ALK: variants seen among roughly 807,000 people sequenced by gnomAD.
ALK encodes the protein ALK receptor tyrosine kinase, also known as ALK tyrosine kinase receptor.
A neutral mutation model predicts 163.1 loss-of-function variants in ALK; 74 were observed. The observed-to-expected ratio is 0.45, with a 90% CI of 0.38 to 0.55. The LOEUF (loss-of-function observed/expected upper bound fraction) is 0.55. Ranked by LOEUF, ALK falls within the 20% of genes least tolerant of loss-of-function variation. The probability of loss-of-function intolerance (pLI) is 0.00; values close to 1 mark genes in which losing one functional copy is unlikely to be tolerated. For missense variants in ALK, 2,063 were observed against 2,105.3 expected (o/e 0.98, Z 0.39); for synonymous variants, 960 against 843.2 (o/e 1.14, Z -2.40).
At chr2:29,579,965 G>A (rs937931195) in intron 3 of ALK, among the ~76,000 whole-genome samples, 5 of 152,076 alleles carry the variant, frequency 3.3e-5, no homozygotes, top group Admixed American at 2.0e-4. Context: ...CTGGGGTTGG[G>A]CTGAGAGGTC....
chr2:29,410,709 T>C (rs1669705947), intron 4 of ALK, among the ~76,000 whole-genome samples: 1 of 152,114 alleles, frequency 6.6e-6, no homozygotes, highest in East Asian at 1.9e-4. Flanking sequence ...ATGGTAAAAA[T>C]ATAGCATAAA....
At chr2:29,377,305 T>C (rs1200165541) in intron 5 of ALK, among the ~76,000 whole-genome samples, 1 of 151,868 alleles carries the variant, frequency 6.6e-6, no homozygotes, top group African/African-American at 2.4e-5. Flanking sequence ...TGAAACCCCG[T>C]CTCTACTGAA....
intron 11 of ALK, among the ~76,000 whole-genome samples, chr2:29,267,056 A>G (rs1329140132): frequency 6.6e-6 from 1 of 152,194 alleles, no homozygotes; most frequent in Non-Finnish European, 1.5e-5. Context: ...TGCTTATAAA[A>G]TTATAATTTC....
chr2:29,371,339 G>C (rs1668632707), intron 5 of ALK, among the ~76,000 whole-genome samples: 1 of 152,250 alleles, frequency 6.6e-6, no homozygotes, highest in African/African-American at 2.4e-5. Flanking sequence ...GGTACTCCTA[G>C]GCTATGCCCC....
chr2:29,728,761 G>T (rs1679648084), intron 1 of ALK, among the ~76,000 whole-genome samples: 1 of 152,130 alleles, frequency 6.6e-6, no homozygotes, highest in Admixed American at 6.5e-5. Context: ...CTCCTTATTT[G>T]CCACCAAGAA....
chr2:29,472,622 T>G (rs1319780612), intron 4 of ALK, among the ~76,000 whole-genome samples: 1 of 152,068 alleles, frequency 6.6e-6, no homozygotes, highest in African/African-American at 2.4e-5. Flanking sequence ...AAAGGCACAT[T>G]TGGAAAAAAA....
At position 29,553,444 on chromosome 2, in the gene ALK, A is replaced by G. The variant is rs1403790936; in HGVS notation, c.953-21328T>C. Reference sequence around the variant, plus strand: ...CAGGTATTTTGTTGTAGCAGCACAAATCGACTAAGATACCTTCCAAACTCT... The same window carrying G: ...CAGGTATTTTGTTGTAGCAGCACAAGTCGACTAAGATACCTTCCAAACTCT... On this transcript the variant is annotated intron_variant, in intron 3 of 28. Coordinates refer to ENST00000389048, the MANE Select transcript of ALK (RefSeq NM_004304.5). 2.6e-5 allele frequency among the ~76,000 whole-genome samples: 4 copies of G among 152,328 alleles called. No homozygotes were observed. The East Asian group carries it at 7.7e-4, about 29-fold the overall frequency.
At chr2:29,849,003 T>C (rs575714724) in intron 1 of ALK, among the ~76,000 whole-genome samples, 1 of 152,294 alleles carries the variant, frequency 6.6e-6, no homozygotes, top group South Asian at 2.1e-4. Flanking sequence ...CCCCTCCCCA[T>C]AGTCTCACCT....
intron 5 of ALK, among the ~76,000 whole-genome samples, chr2:29,348,514 A>C (rs1425679054): frequency 6.6e-6 from 1 of 152,218 alleles, no homozygotes; most frequent in African/African-American, 2.4e-5. Flanking sequence ...AAAAAGCCAA[A>C]GCTTAGAAAT....
At chr2:29,287,626 A>C (rs1665894669) in intron 9 of ALK, among the ~76,000 whole-genome samples, 1 of 152,182 alleles carries the variant, frequency 6.6e-6, no homozygotes, top group Non-Finnish European at 1.5e-5. Context: ...CAGTAAGGAA[A>C]TCCAAAGAGA....
chr2:29,324,165 TC>T (rs1430561959), intron 6 of ALK, among the ~76,000 whole-genome samples: 5 of 152,150 alleles, frequency 3.3e-5, no homozygotes, highest in African/African-American at 1.2e-4. Flanking sequence ...GGTCAATCAA[TC>T]CTGCAACATT....
intron 3 of ALK, among the ~76,000 whole-genome samples, chr2:29,538,668 T>C (rs1333917952): frequency 1.3e-5 from 2 of 152,166 alleles, no homozygotes; most frequent in African/African-American, 4.8e-5. Flanking sequence ...GAATTGCTTA[T>C]AATTTTTTTT....
intron 9 of ALK, among the ~76,000 whole-genome samples, chr2:29,293,143 G>A (rs1341961052): frequency 6.6e-6 from 1 of 152,194 alleles, no homozygotes; most frequent in African/African-American, 2.4e-5. Flanking sequence ...CACAGGTGTT[G>A]CTCTGATATA....
chr2:29,700,784 T>C (rs528556770), intron 2 of ALK, among the ~76,000 whole-genome samples: 91 of 152,332 alleles, frequency 6.0e-4, no homozygotes, highest in Non-Finnish European at 4.7e-4. Context: ...AATGTTGTGG[T>C]AAGTATCAGA....
chr2:29,487,401 T>G (rs1219386858), intron 4 of ALK, among the ~76,000 whole-genome samples: 1 of 152,160 alleles, frequency 6.6e-6, no homozygotes, highest in Non-Finnish European at 1.5e-5. Context: ...CTCTAGACAA[T>G]AAGGAGAGAC....
intron 3 of ALK, among the ~76,000 whole-genome samples, chr2:29,579,280 A>G (rs1674609889): frequency 6.6e-6 from 1 of 152,204 alleles, no homozygotes; most frequent in African/African-American, 2.4e-5. Flanking sequence ...TTCCAGCTTT[A>G]GCGTTCCAGG....
At chr2:29,212,385 T>G (rs1669488734) in intron 24 of ALK, among the ~76,000 whole-genome samples, 1 of 152,038 alleles carries the variant, frequency 6.6e-6, no homozygotes, top group Non-Finnish European at 1.5e-5. Context: ...GCTGAAAAAC[T>G]ACCTTAAAAA....
At chr2:29,803,403 C>T (rs72854267) in intron 1 of ALK, among the ~76,000 whole-genome samples, 19,729 of 152,214 alleles carry the variant, frequency 0.13, 1,332 homozygotes, top group African/African-American at 0.17. Flanking sequence ...AAAAGGCCAG[C>T]AACTGGTGAT....
intron 5 of ALK, among the ~76,000 whole-genome samples, chr2:29,348,261 G>C (rs1286016022): frequency 6.6e-6 from 1 of 152,178 alleles, no homozygotes; most frequent in Non-Finnish European, 1.5e-5. Context: ...TGTCCCCCAG[G>C]GTGGTCCATC....
Sources: allele counts gnomAD v4.1 joint callset (sites outside exome capture counted in the v4.1 genomes callset), GRCh38; gene constraint gnomAD v4.1.1; transcripts MANE v1.5; gene names NCBI Gene and HGNC (gene_info 2026-07-23, HGNC 2026-07-21).